The following HNRNPM variants were observed in gnomAD, a reference collection of about 807,000 sequenced individuals.
HNRNPM encodes CEA receptor.
In HNRNPM, 11 loss-of-function variants were observed where a neutral mutation model predicts 73.1. That is an observed-to-expected ratio of 0.15 (90% CI 0.09 to 0.25). The LOEUF (loss-of-function observed/expected upper bound fraction) is 0.25. Ranked by LOEUF, HNRNPM falls within the 10% of genes least tolerant of loss-of-function variation. HNRNPM has a pLI of 1.00. For missense variants in HNRNPM, 789 were observed against 1,067.9 expected, an observed-to-expected ratio of 0.74 and a Z score of 3.64; for synonymous variants, 407 against 355.2, an observed-to-expected ratio of 1.15 and a Z score of -1.64.
At chr19:8,460,875 G>A (rs1331661303) in intron 2 of HNRNPM, among the ~76,000 whole-genome samples, 1 of 152,208 alleles carries the variant, frequency 6.6e-6, no homozygotes, top group Non-Finnish European at 1.5e-5. Context: ...GTGGAGACAA[G>A]GGTTGGTGGT....
At chr19:8,451,770 A>C (rs922787801) in intron 1 of HNRNPM, among the ~76,000 whole-genome samples, 2 of 151,898 alleles carry the variant, frequency 1.3e-5, no homozygotes, top group Middle Eastern at 3.2e-3. Flanking sequence ...GGATTCAAGC[A>C]CTCAGCTCAC....
chr19:8,480,285 A>G (rs1225809445), intron 12 of HNRNPM, among the ~76,000 whole-genome samples: 2 of 145,416 alleles, frequency 1.4e-5, no homozygotes, highest in African/African-American at 5.0e-5. Context: ...CGGAGGTTGC[A>G]GTGAGCCGAG....
intron 2 of HNRNPM, among the ~76,000 whole-genome samples, chr19:8,457,303 G>A (rs572671669): frequency 6.6e-6 from 1 of 152,332 alleles, no homozygotes; most frequent in East Asian, 1.9e-4. Flanking sequence ...CAGCCATGGT[G>A]TTTCTGGATG....
intron 1 of HNRNPM, among the ~76,000 whole-genome samples, chr19:8,452,415 C>G (rs1311822304): frequency 1.3e-5 from 2 of 151,028 alleles, no homozygotes; most frequent in African/African-American, 4.9e-5. Flanking sequence ...ATGATTTTTT[C>G]TAACACAGTC....
intron 13 of HNRNPM, among the ~76,000 whole-genome samples, chr19:8,483,688 G>A (rs1405167545): frequency 6.6e-6 from 1 of 152,134 alleles, no homozygotes; most frequent in African/African-American, 2.4e-5. Context: ...AAACCCCATC[G>A]CCCAGTGATG....
intron 12 of HNRNPM, among the ~76,000 whole-genome samples, chr19:8,478,133 G>C (rs1970647995): frequency 6.6e-6 from 1 of 152,182 alleles, no homozygotes; most frequent in Non-Finnish European, 1.5e-5. Context: ...GCGAATGCTT[G>C]GTGTACCCAG....
intron 12 of HNRNPM, among the ~76,000 whole-genome samples, chr19:8,477,262 A>C (rs1247136501): frequency 6.6e-6 from 1 of 152,168 alleles, no homozygotes; most frequent in East Asian, 1.9e-4. Context: ...AGATGGATGC[A>C]CAAGGAAAGA....
At position 8,488,796 on chromosome 19, in the gene HNRNPM, T is replaced by C. The variant is rs1440923604; in HGVS notation, c.2135T>C (p.Met712Thr). ...PEVAERACRM[M>T]NGMKLSGREI... The stretch of plus-strand genomic sequence containing the variant: ...GTGGCCGAGAGAGCCTGCCGGATGA[T>C]GAATGGCATGAAGCTGAGTGGCCGA... The change falls in exon 16 of 16, where the codon ATG (methionine) becomes ACG (threonine). Residue 712 changes from methionine (M) to threonine (T), a missense_variant. By Grantham distance (81) the Met-to-Thr change is moderately conservative. This residue lies in a region of HNRNPM where 43 missense variants were observed against 105.8 expected (regional missense o/e 0.41). Transcript: ENST00000325495. 6.2e-7 allele frequency: 1 copy of C among 1,614,184 alleles called. No individual in the cohort carries two copies.
chr19:8,465,497 C>A lies in HNRNPM; in HGVS notation c.612C>A (p.Ser204Arg). 1 of 1,608,768 alleles carries A rather than the reference C, an allele frequency of 6.2e-7. No individual in the cohort carries two copies. ...CATTACAGGCTGGAAGACTTGGAAG[C>A]ACAGTATTTGTAGCAAATGTAAGTA... is the stretch of plus-strand genomic sequence containing the variant. ...IHALQAGRLG[S>R]TVFVANLDYK... The change falls in exon 6 of 16, where the codon AGC becomes AGA. Residue 204 changes from serine (S) to arginine (R), a missense_variant. Transcript: ENST00000325495.
chr19:8,485,790 T>C lies in HNRNPM; in HGVS notation c.1362T>C (p.Ile454=), dbSNP rs371727595. 7 of 1,598,940 alleles carry C rather than the reference T, an allele frequency of 4.4e-6. No individual in the cohort carries two copies. The highest frequency in any genetic ancestry group is 1.4e-5 in the African/African-American group (1 of 72,920). ...CCGTGGAGCGCATGGGCTCCGGCAT[T>C]GAGCGCATGGGCCCGCTGGGCCTCG... is the stretch of plus-strand genomic sequence containing the variant. ...MGSVERMGSG[I]ERMGPLGLDH... The change falls in exon 14 of 16, where the codon ATT becomes ATC. Residue 454 remains isoleucine, a synonymous_variant. Transcript: ENST00000325495.
In HNRNPM at chr19:8,488,372, A is replaced by G. The variant is rs145280111; in HGVS notation, c.2030-319A>G. 237 of 252,582 alleles carry G rather than the reference A, an allele frequency of 9.4e-4. 2 individuals carry two copies. The highest frequency in any genetic ancestry group is 4.8e-3 in the African/African-American group (221 of 46,514). 15.6% of individuals were successfully genotyped at this position (252,582 alleles called of 1,614,324 possible). A position where few individuals can be genotyped will look rare whatever the true frequency, so the allele number is the denominator to read the frequency against. The stretch of plus-strand genomic sequence containing the variant: ...TGGCTTTGTAACCAGGGGCGGTGGC[A>G]TATCAAAAATGAAGACTTTGTAAAA... On this transcript the variant is annotated intron_variant, in intron 15 of 15. Transcript: ENST00000325495.
At position 8,465,437 on chromosome 19, in the gene HNRNPM, AAAT is replaced by A; in HGVS notation, c.556_558del (p.Asn186del). 1 of 1,613,816 alleles carries A rather than the reference AAAT, an allele frequency of 6.2e-7. No individual in the cohort carries two copies. Among genetic ancestry groups the A allele is most frequent in the Non-Finnish European group, 8.5e-7 (1 of 1,179,730 alleles). ...TGATTACTATCCCACCCAGTATCCT[AAAT>A]AATCCCAACATCCCAAATGAGATTA... On this transcript the variant is annotated inframe_deletion, in exon 6 of 16. Transcript: ENST00000325495.
rs753706820 is a variant in HNRNPM at position 8,487,068 on chromosome 19, C to T, written c.2022C>T (p.Asn674=). The T allele has an allele frequency of 5.5e-5, 89 of 1,613,260 alleles. No individual in the cohort carries two copies. The highest frequency in any genetic ancestry group is 6.6e-5 in the Non-Finnish European group (78 of 1,179,308). The change falls in exon 15 of 16, where the codon AAC becomes AAT. Residue 674 remains asparagine (N), a synonymous_variant. Coordinates refer to ENST00000325495, the MANE Select transcript of HNRNPM (RefSeq NM_005968.5). ...FTWKMLKDKF[N]ECGHVLYADI... ...GGAAGATGCTAAAGGACAAATTCAA[C>T]GAGTGCGGTAAGTGTTGGGAACGGC...
intron 1 of HNRNPM, 67 bp from the exon 2 acceptor site, chr19:8,455,338 A>G: frequency 7.4e-7 from 1 of 1,359,236 alleles, no homozygotes; most frequent in Non-Finnish European, 1.0e-6. Flanking sequence ...GGCAAATCAA[A>G]TAATTATCTT....
At chr19:8,487,155 C>T in intron 15 of HNRNPM, 80 bp downstream of exon 15, 1 of 1,181,578 alleles carries the variant, frequency 8.5e-7, no homozygotes, top group Non-Finnish European at 1.3e-6. Flanking sequence ...AAACCTCCCT[C>T]CCAGCCCCCT....
chr19:8,462,739 T>G lies in HNRNPM; in HGVS notation c.336+158T>G. On this transcript the variant is annotated intron_variant, in intron 3 of 15. Coordinates refer to ENST00000325495, the MANE Select transcript of HNRNPM (RefSeq NM_005968.5). This position sits in a 1 kb window ranked among gnomAD's most constrained non-coding sequence, Gnocchi z 4.5. ...CATTTGAGTGGGGTGGGAGGGGATT[T>G]GCAAATGGGAGTCCCGCTTTTCCAA... The G allele has an allele frequency of 1.5e-6, 1 of 680,788 alleles. No individual in the cohort carries two copies. Among genetic ancestry groups the G allele is most frequent in the Non-Finnish European group, 2.6e-6 (1 of 380,492 alleles). The allele number at this position is 680,788 out of a possible 1,614,324, so 42.2% of individuals were successfully genotyped here.
At chr19:8,483,488 G>C (rs1971063057) in intron 13 of HNRNPM, among the ~76,000 whole-genome samples, 1 of 152,256 alleles carries the variant, frequency 6.6e-6, no homozygotes, top group Non-Finnish European at 1.5e-5. Context: ...GCTGTGCACA[G>C]GCCGACCATC....
At chr19:8,470,495 T>G (rs113957806) in intron 9 of HNRNPM, among the ~76,000 whole-genome samples, 9,110 of 151,210 alleles carry the variant, frequency 0.06, 572 homozygotes, top group African/African-American at 0.16. Flanking sequence ...CAGGCTAATT[T>G]TTTTTTTTTT....
rs140033234 is a variant in HNRNPM, at chr19:8,485,805, G to C, written c.1377G>C (p.Pro459=). 2 of 1,601,618 alleles carry C rather than the reference G, an allele frequency of 1.2e-6. No individual in the cohort carries two copies. Among genetic ancestry groups the C allele is most frequent in the Non-Finnish European group, 1.7e-6 (2 of 1,178,824 alleles). Residue 459 remains proline (P), a synonymous_variant, in exon 14 of 16, where the codon CCG becomes CCC. Transcript: ENST00000325495. ...GCTCCGGCATTGAGCGCATGGGCCC[G>C]CTGGGCCTCGACCACATGGCCTCCA... ...RMGSGIERMG[P]LGLDHMASSI...
Sources: gnomAD v4.1 joint callset for allele counts (sites outside exome capture counted in the v4.1 genomes callset) on GRCh38, gnomAD v4.1.1 for gene constraint, gnomAD v4.1.1 regional missense constraint, Gnocchi (gnomAD v3.1) non-coding constraint, MANE v1.5 for transcripts, NCBI Gene and HGNC (gene_info 2026-07-23, HGNC 2026-07-21) for gene names.